Variants in CYP2A13 observed in about 807,000 individuals in gnomAD.
CYP2A13 encodes the protein cytochrome P450 2A13.
A neutral mutation model predicts 39.4 loss-of-function variants in CYP2A13; 30 were observed. The observed-to-expected ratio is 0.76, with a 90% CI of 0.57 to 1.03. CYP2A13 has a LOEUF of 1.03. Among genes scored for constraint, CYP2A13 ranks in the 50% least tolerant of loss-of-function variants. CYP2A13 has a pLI of 0.00. For missense variants in CYP2A13, 731 were observed against 648.4 expected (o/e 1.13, Z -1.38); for synonymous variants, 269 against 254.7 (o/e 1.06, Z -0.54).
chr19:41,094,004 G>A (rs570264449), intron 6 of CYP2A13, among the ~76,000 whole-genome samples: 15 of 152,054 alleles, frequency 9.9e-5, no homozygotes, highest in African/African-American at 1.9e-4. Flanking sequence ...CTGAGTGTCC[G>A]CTGCCTGCTC....
chr19:41,090,148 A>T lies in CYP2A13; in HGVS notation c.445A>T (p.Ile149Phe), dbSNP rs760222098. ...GVGKRGIEER[I>F]QEEAGFLIDA... ...GGGCAAGCGCGGCATCGAGGAACGC[A>T]TCCAGGAGGAGGCGGGCTTCCTCAT... The change falls in exon 3 of 9, where the codon ATC (isoleucine) becomes TTC (phenylalanine). Residue 149 changes from isoleucine (I) to phenylalanine (F), a missense_variant. Transcript: ENST00000330436. The T allele has an allele frequency of 1.5e-5, 24 of 1,600,022 alleles. 1 individual carries two copies. The Middle Eastern group carries it at 6.7e-4, about 45-fold the overall frequency.
chr19:41,090,310 C>T (rs965879310), intron 3 of CYP2A13, 94 bp from the exon 4 acceptor site: 14 of 1,583,460 alleles, frequency 8.8e-6, no homozygotes, highest in South Asian at 2.3e-5. Flanking sequence ...CGCTGGGATT[C>T]GGCTCAACAG....
At chr19:41,095,247 C>G (rs753864647) in intron 8 of CYP2A13, 147 bp downstream of exon 8, 5 of 1,471,698 alleles carry the variant, frequency 3.4e-6, no homozygotes, top group Non-Finnish European at 4.7e-6. Context: ...CCAGCTGATA[C>G]TCCCTTAACT....
chr19:41,094,390 G>A lies in CYP2A13; in HGVS notation c.1119G>A (p.Arg373=), dbSNP rs1285546885. 1.2e-6 allele frequency: 2 copies of A among 1,613,972 alleles called. No homozygotes were observed. The highest frequency in any genetic ancestry group is 2.2e-5 in the South Asian group (2 of 91,068). ...TGCTCCCCATGGGTTTGGCCCACAG[G>A]GTCAACAAGGACACCAAGTTTCGGG... ...GDMLPMGLAH[R]VNKDTKFRDF... The change falls in exon 7 of 9, where the codon AGG becomes AGA. Residue 373 remains arginine, a synonymous_variant. Transcript: ENST00000330436.
chr19:41,091,875 C>T lies in CYP2A13; in HGVS notation c.798C>T (p.Asp266=), dbSNP rs1490533584. The T allele has an allele frequency of 6.2e-7, 1 of 1,614,226 alleles. No individual in the cohort carries two copies. Among genetic ancestry groups the T allele is most frequent in the African/African-American group, 1.3e-5 (1 of 75,048 alleles). The change falls in exon 5 of 9, where the codon GAC becomes GAT. Residue 266 remains aspartate, a synonymous_variant. Transcript: ENST00000330436. The part of the protein sequence containing the change: ...QRTLDPNSPR[D]FIDSFLIRMQ... ...CGCTGGATCCCAATTCCCCACGGGACTTCATCGACTCCTTTCTCATCCGCA... is the reference window on the plus strand; with the variant it reads ...CGCTGGATCCCAATTCCCCACGGGATTTCATCGACTCCTTTCTCATCCGCA...
chr19:41,089,091 G>A lies in CYP2A13; in HGVS notation c.343G>A (p.Gly115Ser), dbSNP rs1466493290. 6.2e-7 allele frequency: 1 copy of A among 1,612,046 alleles called. No homozygotes were observed. Among genetic ancestry groups the A allele is most frequent in the East Asian group, 2.2e-5 (1 of 44,864 alleles). ...CTTCGACTGGCTCTTCAAAGGCTAT[G>A]GTGAGGGGGTGCCCAAGAGGGGGAA... ...ATFDWLFKGYGVAFSNGERAK... is the reference protein window; with the variant it reads ...ATFDWLFKGYSVAFSNGERAK... Residue 115 changes from glycine (G) to serine (S), a missense_variant and splice_region_variant, in exon 2 of 9, where the codon GGC becomes AGC. Transcript: ENST00000330436.
Position 41,088,632 on chromosome 19 carries a change from T to C in CYP2A13, c.161T>C (p.Met54Thr). Residue 54 changes from methionine (M) to threonine (T), a missense_variant, in exon 1 of 9, where the codon ATG becomes ACG. By Grantham distance (81) the Met-to-Thr change is moderately conservative. Transcript: ENST00000330436. The part of the protein sequence containing the change: ...GNYLQLNTEQ[M>T]YNSLMKISER... ...TACCTGCAGCTGAACACAGAGCAGATGTACAACTCCCTCATGAAGGTGTCC... is the reference window on the plus strand; with the variant it reads ...TACCTGCAGCTGAACACAGAGCAGACGTACAACTCCCTCATGAAGGTGTCC... 2 of 1,613,832 alleles carry C rather than the reference T, an allele frequency of 1.2e-6. No homozygotes were observed. Among genetic ancestry groups the C allele is most frequent in the Non-Finnish European group, 1.7e-6 (2 of 1,179,822 alleles).
Position 41,096,076 on chromosome 19 carries a change from A to T in CYP2A13, c.*135A>T. 1 of 1,295,194 alleles carries T rather than the reference A, an allele frequency of 7.7e-7. No individual in the cohort carries two copies. The highest frequency in any genetic ancestry group is 1.5e-5 in the South Asian group (1 of 68,764). The allele number at this position is 1,295,194 out of a possible 1,614,324, so 80.2% of individuals were successfully genotyped here. ...AAGGGGAGAGGTGGTTAGAGGGAAC[A>T]GAAGAAACAGAAGGGGCTCAGTTCA... On this transcript the variant is annotated 3_prime_UTR_variant, in exon 9 of 9. Coordinates refer to ENST00000330436, the MANE Select transcript of CYP2A13 (RefSeq NM_000766.5).
chr19:41,091,820 T>G lies in CYP2A13; in HGVS notation c.743T>G (p.Ile248Ser), dbSNP rs753393303. 1 of 1,614,164 alleles carries G rather than the reference T, an allele frequency of 6.2e-7. No homozygotes were observed. The highest frequency in any genetic ancestry group is 1.6e-4 in the Middle Eastern group (1 of 6,062). The stretch of plus-strand genomic sequence containing the variant: ...GAGCTGCAAGGGCTGGAGGACTTCA[T>G]CGCCAAGAAGGTGGAGCACAACCAG... ...FKELQGLEDF[I>S]AKKVEHNQRT... is the part of the protein sequence containing the mutation. The change falls in exon 5 of 9, where the codon ATC becomes AGC. Residue 248 changes from isoleucine (I) to serine (S), a missense_variant. By Grantham distance (142) the Ile-to-Ser change is moderately radical. Coordinates refer to ENST00000330436, the MANE Select transcript of CYP2A13 (RefSeq NM_000766.5).
At position 41,094,418 on chromosome 19, in the gene CYP2A13, T is replaced by C; in HGVS notation, c.1147T>C (p.Phe383Leu). 14 of 1,614,016 alleles carry C rather than the reference T, an allele frequency of 8.7e-6. No individual in the cohort carries two copies. The highest frequency in any genetic ancestry group is 1.2e-5 in the Non-Finnish European group (14 of 1,179,988). The change falls in exon 7 of 9, where the codon TTC becomes CTC. Residue 383 changes from phenylalanine to leucine, a missense_variant. By Grantham distance (22) the Phe-to-Leu change is conservative. Transcript: ENST00000330436. ...RVNKDTKFRD[F>L]FLPKGTEVFP... ...CAACAAGGACACCAAGTTTCGGGAT[T>C]TCTTCCTCCCTAAGGTGCTGTCTCC...
chr19:41,091,671 C>G, intron 4 of CYP2A13, 61 bp from the exon 5 acceptor site: 1 of 1,592,304 alleles, frequency 6.3e-7, no homozygotes, highest in Non-Finnish European at 8.6e-7. Context: ...ATCCCCATTC[C>G]CATCAGCTCC....
intron 1 of CYP2A13, 51 bp downstream of exon 1, chr19:41,088,702 G>T: frequency 6.3e-7 from 1 of 1,584,368 alleles, no homozygotes; most frequent in Non-Finnish European, 8.6e-7. Context: ...TGCCCAGTTG[G>T]CTGGGGCTTT....
intron 1 of CYP2A13, 30 bp downstream of exon 1, chr19:41,088,681 G>T (rs368977268): frequency 6.3e-7 from 1 of 1,599,182 alleles, no homozygotes; most frequent in South Asian, 1.1e-5. Context: ...TGGGTGGCAC[G>T]GGGTGGGGGC....
Position 41,095,844 on chromosome 19 carries a change from A to G in CYP2A13, c.1388A>G (p.Lys463Arg). The G allele has an allele frequency of 2.5e-6, 4 of 1,614,082 alleles. No homozygotes were observed. Among genetic ancestry groups the G allele is most frequent in the Non-Finnish European group, 3.4e-6 (4 of 1,179,968 alleles). Residue 463 changes from lysine (K) to arginine (R), a missense_variant, in exon 9 of 9, where the codon AAG becomes AGG. By Grantham distance (26) the Lys-to-Arg change is conservative. Coordinates refer to ENST00000330436, the MANE Select transcript of CYP2A13 (RefSeq NM_000766.5). ...FTTIMQNFRF[K>R]SPQSPKDIDV... The stretch of plus-strand genomic sequence containing the variant: ...ACCATCATGCAGAACTTTCGCTTCA[A>G]GTCCCCTCAGTCGCCTAAGGATATC...
In CYP2A13 at chr19:41,094,433, G is replaced by A. The variant is rs981994430; in HGVS notation, c.1161+1G>A. On this transcript the variant is annotated splice_donor_variant, in intron 7 of 8. Coordinates refer to ENST00000330436, the MANE Select transcript of CYP2A13 (RefSeq NM_000766.5). LOFTEE classifies it high-confidence loss of function. ...GTTTCGGGATTTCTTCCTCCCTAAG[G>A]TGCTGTCTCCCCTCCACCACCACCA... The A allele has an allele frequency of 6.2e-7, 1 of 1,613,908 alleles. No individual in the cohort carries two copies. Among genetic ancestry groups the A allele is most frequent in the Non-Finnish European group, 8.5e-7 (1 of 1,179,972 alleles).
chr19:41,094,255 T>C lies in CYP2A13; in HGVS notation c.984T>C (p.His328=), dbSNP rs1276898028. Residue 328 remains histidine (H), a synonymous_variant, in exon 7 of 9, where the codon CAT becomes CAC. Coordinates refer to ENST00000330436, the MANE Select transcript of CYP2A13 (RefSeq NM_000766.5). ...CCCCTCCTCCCCCAGCCAAGGTCCATGAGGAGATTGACAGAGTGATCGGCA... is the reference window on the plus strand; with the variant it reads ...CCCCTCCTCCCCCAGCCAAGGTCCACGAGGAGATTGACAGAGTGATCGGCA... ...MKHPEVEAKV[H]EEIDRVIGKN... is the part of the protein sequence containing the mutation. 3 of 1,613,822 alleles carry C rather than the reference T, an allele frequency of 1.9e-6. No homozygotes were observed. The highest frequency in any genetic ancestry group is 1.3e-5 in the African/African-American group (1 of 74,846).
chr19:41,093,247 G>A (rs1198642167), intron 5 of CYP2A13, among the ~76,000 whole-genome samples: 3 of 151,976 alleles, frequency 2.0e-5, no homozygotes, highest in African/African-American at 4.8e-5. Context: ...GTTAACAAGT[G>A]AGCCTGCATA....
intron 1 of CYP2A13, 130 bp from the exon 2 acceptor site, chr19:41,088,799 G>C: frequency 6.5e-7 from 1 of 1,538,396 alleles, no homozygotes; most frequent in Non-Finnish European, 8.8e-7. Context: ...GGAAAGACAG[G>C]ATCTTGGGAT....
At chr19:41,092,312 TAAAAAAAAAAAAAAAA>T (rs529985444) in intron 5 of CYP2A13, among the ~76,000 whole-genome samples, 3 of 53,782 alleles carry the variant, frequency 5.6e-5, no homozygotes, top group Non-Finnish European at 1.0e-4. Context: ...CAAGACCCTG[TAAAAAAAAAAAAAAAA>T]AAAAAAAAAA....
Sources: gnomAD v4.1 joint callset for allele counts (sites outside exome capture counted in the v4.1 genomes callset) on GRCh38, gnomAD v4.1.1 for gene constraint, MANE v1.5 for transcripts, NCBI Gene and HGNC (gene_info 2026-07-23, HGNC 2026-07-21) for gene names.